The following CRYL1 variants were observed in gnomAD, a reference collection of about 807,000 sequenced individuals.
CRYL1 encodes crystallin lambda 1, also known as lambda-crystallin homolog.
In CRYL1, 29 loss-of-function variants were observed where a neutral mutation model predicts 36.6. The observed-to-expected ratio is 0.79, with a 90% confidence interval of 0.59 to 1.08. The LOEUF is 1.08. Ranked by LOEUF, CRYL1 falls within the 50% of genes least tolerant of loss-of-function variation. CRYL1 has a pLI of 0.00. For synonymous variants in CRYL1, 152 were observed against 151.5 expected (o/e 1.00, Z -0.02); for missense variants, 411 against 407.9 (o/e 1.01, Z -0.06).
At chr13:20,505,822 T>C (rs1450926018) in intron 2 of CRYL1, among the ~76,000 whole-genome samples, 1 of 152,228 alleles carries the variant, frequency 6.6e-6, no homozygotes, top group Non-Finnish European at 1.5e-5. Flanking sequence ...TGGTTTTCCT[T>C]ACATTCCTTT....
intron 6 of CRYL1, among the ~76,000 whole-genome samples, chr13:20,408,722 C>G (rs2031445341): frequency 6.6e-6 from 1 of 152,064 alleles, no homozygotes; most frequent in Non-Finnish European, 1.5e-5. Context: ...AACAGAGAGC[C>G]AAATCATGAG....
intron 2 of CRYL1, among the ~76,000 whole-genome samples, chr13:20,492,841 T>C (rs4365150): frequency 0.92 from 140,105 of 152,212 alleles, 65,677 homozygotes; most frequent in East Asian, 1. Context: ...CACTTGGGGG[T>C]GCTACCAACC....
intron 3 of CRYL1, among the ~76,000 whole-genome samples, chr13:20,459,520 TA>T (rs1302253759): frequency 6.6e-6 from 1 of 152,192 alleles, no homozygotes; most frequent in East Asian, 1.9e-4. Flanking sequence ...TATGCAGCCA[TA>T]AAAAAGAATG....
At chr13:20,460,511 C>CTTTT (rs71074302) in intron 3 of CRYL1, among the ~76,000 whole-genome samples, 3 of 70,306 alleles carry the variant, frequency 4.3e-5, no homozygotes, top group African/African-American at 1.2e-4. Context: ...TAGGCAGCTG[C>CTTTT]TTTTTTTTTT....
intron 1 of CRYL1, among the ~76,000 whole-genome samples, chr13:20,517,701 C>T (rs1433145687): frequency 6.6e-6 from 1 of 152,070 alleles, no homozygotes; most frequent in Non-Finnish European, 1.5e-5. Context: ...CTTTGGGAGG[C>T]CGAGGCGGGT....
chr13:20,414,041 G>T (rs915688110), intron 5 of CRYL1, among the ~76,000 whole-genome samples: 2 of 152,024 alleles, frequency 1.3e-5, no homozygotes, highest in Non-Finnish European at 1.5e-5. Flanking sequence ...CGGGCATGGT[G>T]GTGCATGCCT....
intron 5 of CRYL1, chr13:20,431,680 T>C (rs527652924): frequency 9.0e-7 from 1 of 1,109,080 alleles, no homozygotes; most frequent in African/African-American, 1.6e-5. Flanking sequence ...TTCCTCAAGC[T>C]CTTGAAACAA....
At chr13:20,508,848 CAAAAAAAAAAAAAAAAAAAAAAAAAAACA>C (rs1346414284) in intron 2 of CRYL1, among the ~76,000 whole-genome samples, 2 of 10,448 alleles carry the variant, frequency 1.9e-4, no homozygotes, top group Non-Finnish European at 3.5e-4. Context: ...AGCGAGACTC[CAAAAAAAAAAAAAAAAAAAAAAAAAAACA>C]AAAAAAAAAA....
At chr13:20,459,853 A>C (rs1353592491) in intron 3 of CRYL1, among the ~76,000 whole-genome samples, 1 of 152,228 alleles carries the variant, frequency 6.6e-6, no homozygotes, top group African/African-American at 2.4e-5. Flanking sequence ...ATAAAAGTTG[A>C]AAGGAAAAAG....
At chr13:20,430,271 G>T in intron 5 of CRYL1, 1 of 985,058 alleles carries the variant, frequency 1.0e-6, no homozygotes, top group Non-Finnish European at 1.2e-6. Context: ...CATTTCTCTT[G>T]ACCTCTTCCT....
Position 20,453,474 on chromosome 13 carries a change from AAC to A in CRYL1, c.277-13722_277-13721del, listed in dbSNP as rs1434685635. The stretch of plus-strand genomic sequence containing the variant: ...TATATTTGAATATTTTGAAAATGAA[AAC>A]ACAATATATTAAATCATTGGATTCA... On this transcript the variant is annotated intron_variant, in intron 3 of 7. Transcript: ENST00000298248. 1.2e-4 allele frequency among the ~76,000 whole-genome samples: 11 copies of A among 91,272 alleles called. No homozygotes were observed. In the South Asian group the frequency reaches 2.9e-3, roughly 24 times the overall value. The allele number at this position is 91,272 out of a possible 152,430, so 59.9% of individuals were successfully genotyped here.
intron 2 of CRYL1, among the ~76,000 whole-genome samples, chr13:20,508,174 A>G (rs2033838215): frequency 6.6e-6 from 1 of 152,132 alleles, no homozygotes; most frequent in Non-Finnish European, 1.5e-5. Flanking sequence ...GGCTGCAGTG[A>G]GCCAAGATCA....
intron 3 of CRYL1, among the ~76,000 whole-genome samples, chr13:20,484,381 G>A (rs963198182): frequency 6.6e-6 from 1 of 152,180 alleles, no homozygotes; most frequent in Middle Eastern, 3.4e-3. Flanking sequence ...ATTCTTAGAC[G>A]GAAGCTTCTT....
At chr13:20,416,880 C>T (rs2031681983) in intron 5 of CRYL1, among the ~76,000 whole-genome samples, 1 of 152,204 alleles carries the variant, frequency 6.6e-6, no homozygotes, top group Non-Finnish European at 1.5e-5. Context: ...CTCCAACTCC[C>T]ATGTTCTCAG....
chr13:20,489,924 A>G (rs908779419), intron 2 of CRYL1, among the ~76,000 whole-genome samples: 3 of 152,232 alleles, frequency 2.0e-5, no homozygotes, highest in African/African-American at 7.2e-5. Context: ...TAGATAAAAA[A>G]ACATGGTACA....
chr13:20,416,906 T>C (rs569340605), intron 5 of CRYL1, among the ~76,000 whole-genome samples: 32 of 152,232 alleles, frequency 2.1e-4, no homozygotes, highest in Admixed American at 1.6e-3. Context: ...CCTGATTTCA[T>C]CTAGAGGAGG....
intron 2 of CRYL1, among the ~76,000 whole-genome samples, chr13:20,490,559 A>G (rs1476265547): frequency 6.6e-6 from 1 of 152,138 alleles, no homozygotes; most frequent in African/African-American, 2.4e-5. Context: ...AATATACTTA[A>G]TATACTTAAA....
At chr13:20,477,057 A>C (rs2033181266) in intron 3 of CRYL1, 1 of 152,290 alleles carries the variant, frequency 6.6e-6, no homozygotes, top group Admixed American at 6.5e-5. Flanking sequence ...GCTACTCGGG[A>C]GGCTGAGGCA....
intron 2 of CRYL1, among the ~76,000 whole-genome samples, chr13:20,503,345 G>A (rs1593492294): frequency 6.8e-6 from 1 of 147,946 alleles, no homozygotes; most frequent in East Asian, 2.0e-4. Flanking sequence ...GCTCAGCTGG[G>A]CTCACTCATG....
Sources: gnomAD v4.1 joint callset for allele counts (sites outside exome capture counted in the v4.1 genomes callset) on GRCh38, gnomAD v4.1.1 for gene constraint, MANE v1.5 for transcripts, NCBI Gene and HGNC (gene_info 2026-07-23, HGNC 2026-07-21) for gene names.